PPP2R2B: variants seen among roughly 807,000 people sequenced by gnomAD.
The protein encoded by PPP2R2B is serine/threonine-protein phosphatase 2A 55 kDa regulatory subunit B beta isoform.
Under a neutral mutation model 46.0 loss-of-function variants are expected in PPP2R2B, and 5 were observed. The observed-to-expected ratio is 0.11, with a 90% confidence interval of 0.06 to 0.23. The LOEUF is 0.23. PPP2R2B is among the 10% of genes least tolerant of loss of function. PPP2R2B has a pLI of 1.00. For synonymous variants in PPP2R2B, 215 were observed against 206.7 expected, an observed-to-expected ratio of 1.04 and a Z score of -0.34; for missense variants, 367 against 575.0, an observed-to-expected ratio of 0.64 and a Z score of 3.70.
intron 5 of PPP2R2B, among the ~76,000 whole-genome samples, chr5:146,653,702 G>C (rs1257499159): frequency 6.6e-6 from 1 of 152,168 alleles, no homozygotes; most frequent in Non-Finnish European, 1.5e-5. Context: ...CAGAGTGGGA[G>C]CTGCCAGCCC....
At chr5:147,056,977 A>T (rs1757106945), upstream of PPP2R2B, among the ~76,000 whole-genome samples, 3 of 152,200 alleles carry the variant, frequency 2.0e-5, no homozygotes, top group South Asian at 6.2e-4. Context: ...GAAAACCAAC[A>T]TTTCCCTGAG....
intron 2 of PPP2R2B, among the ~76,000 whole-genome samples, chr5:146,743,752 C>G (rs558618108): frequency 6.6e-6 from 1 of 152,286 alleles, no homozygotes; most frequent in African/African-American, 2.4e-5. Context: ...AAAACAGGCA[C>G]TAAACTCTAA....
At chr5:147,011,671 T>A (rs1754740107) in intron 1 of PPP2R2B, among the ~76,000 whole-genome samples, 1 of 150,616 alleles carries the variant, frequency 6.6e-6, no homozygotes, top group Non-Finnish European at 1.5e-5. Context: ...TCAAAGGGAA[T>A]GCTTCCAGTT....
chr5:146,923,356 T>C (rs1198270667), intron 1 of PPP2R2B, among the ~76,000 whole-genome samples: 2 of 152,204 alleles, frequency 1.3e-5, no homozygotes, highest in Non-Finnish European at 2.9e-5. Context: ...TAGAACTGGA[T>C]TGCATGATGT....
At chr5:146,856,011 C>T (rs951015856) in intron 2 of PPP2R2B, among the ~76,000 whole-genome samples, 5 of 152,108 alleles carry the variant, frequency 3.3e-5, no homozygotes, top group Admixed American at 3.3e-4. Flanking sequence ...TCAGTGATAC[C>T]TTTTATTCTT....
At chr5:146,601,263 G>T (rs568508361) in intron 7 of PPP2R2B, among the ~76,000 whole-genome samples, 144 of 152,220 alleles carry the variant, frequency 9.5e-4, no homozygotes, top group African/African-American at 3.4e-3. Context: ...GTTTTTGTCT[G>T]GTCATATGTT....
At chr5:146,809,989 TG>T (rs989947806) in intron 2 of PPP2R2B, among the ~76,000 whole-genome samples, 9 of 152,160 alleles carry the variant, frequency 5.9e-5, no homozygotes, top group African/African-American at 2.2e-4. Flanking sequence ...ATCTGTTGTG[TG>T]GGGGTAGAGT....
chr5:146,768,291 C>G (rs1582058857), intron 2 of PPP2R2B, among the ~76,000 whole-genome samples: 1 of 152,218 alleles, frequency 6.6e-6, no homozygotes, highest in South Asian at 2.1e-4. Flanking sequence ...CCAGGCTGGT[C>G]TTGAACTCCT....
intron 1 of PPP2R2B, among the ~76,000 whole-genome samples, chr5:146,904,666 T>TC (rs1762942303): frequency 6.6e-6 from 1 of 152,162 alleles, no homozygotes; most frequent in South Asian, 2.1e-4. Context: ...TCCTGTAGCC[T>TC]CAGTATAGAA....
chr5:147,055,627 T>A (rs762945165), intron 1 of PPP2R2B: 2 of 1,563,740 alleles, frequency 1.3e-6, no homozygotes, highest in Non-Finnish European at 1.8e-6. Flanking sequence ...AGCCCACTTT[T>A]CCCACCCACC....
At chr5:146,656,554 CG>C (rs1561808729) in intron 5 of PPP2R2B, 1 of 152,070 alleles carries the variant, frequency 6.6e-6, no homozygotes, top group African/African-American at 2.4e-5. Flanking sequence ...CCCTCACTCC[CG>C]GGAGGCCACC....
rs1368760298 is a variant in PPP2R2B at position 146,770,355 on chromosome 5, A to AAT, written c.71-69214_71-69213insAT. Among the ~76,000 whole-genome samples, 622 of 132,572 alleles carry AAT rather than the reference A, an allele frequency of 4.7e-3. 18 individuals carry two copies. Among genetic ancestry groups the AAT allele is most frequent in the African/African-American group, 0.016 (586 of 37,084 alleles). The allele number at this position is 132,572 out of a possible 152,430, so 87.0% of individuals were successfully genotyped here. ...CAAAAAAAAAAAAAAAAAAAAAAAAAGAATGAAGAATTCAAAAATTATCCT... is the reference window on the plus strand; with the variant it reads ...CAAAAAAAAAAAAAAAAAAAAAAAAAATGAATGAAGAATTCAAAAATTATCCT... On this transcript the variant is annotated intron_variant, in intron 2 of 9. Transcript: ENST00000394411.
Position 146,586,016 on chromosome 5 carries a change from C to T in PPP2R2B, c.*3931G>A, listed in dbSNP as rs1581644542. The T allele has an allele frequency of 6.6e-6, 1 of 152,186 alleles. No homozygotes were observed. The highest frequency in any genetic ancestry group is 1.9e-4 in the East Asian group (1 of 5,188). The allele number at this position is 152,186 out of a possible 1,614,324, so 9.4% of individuals were successfully genotyped here. ...TTGGAAAGCAGTCCCTGAGAGTTGA[C>T]TTAGAAGTTCAGGGGGAAGAGGTGG... On this transcript the variant is annotated 3_prime_UTR_variant, in exon 10 of 10. Transcript: ENST00000394411.
intron 1 of PPP2R2B, among the ~76,000 whole-genome samples, chr5:146,955,998 C>T (rs577984735): frequency 3.3e-5 from 5 of 151,790 alleles, no homozygotes; most frequent in Admixed American, 2.0e-4. Context: ...AGGCTGGTCT[C>T]GAACTCCTGA....
chr5:146,948,023 T>C (rs1241662386), intron 1 of PPP2R2B, among the ~76,000 whole-genome samples: 1 of 151,810 alleles, frequency 6.6e-6, no homozygotes, highest in Non-Finnish European at 1.5e-5. Context: ...CCAAGTTCTC[T>C]TCATTCATAT....
intron 1 of PPP2R2B, among the ~76,000 whole-genome samples, chr5:146,984,652 G>A (rs112742591): frequency 0.01 from 1,542 of 152,184 alleles, 11 homozygotes; most frequent in Non-Finnish European, 0.017. Flanking sequence ...TTTAGAGGAA[G>A]CTTCATACTG....
At chr5:146,865,430 A>G (rs1761255577) in intron 2 of PPP2R2B, among the ~76,000 whole-genome samples, 1 of 152,154 alleles carries the variant, frequency 6.6e-6, no homozygotes. Flanking sequence ...TTTTCTGTAC[A>G]GTCAAAATTT....
intron 2 of PPP2R2B, among the ~76,000 whole-genome samples, chr5:146,705,618 G>C (rs1356308452): frequency 6.6e-6 from 1 of 152,048 alleles, no homozygotes; most frequent in Non-Finnish European, 1.5e-5. Context: ...CTCCTTCTTG[G>C]GTCCTGGATC....
At chr5:146,800,466 T>C (rs1233225724) in intron 2 of PPP2R2B, among the ~76,000 whole-genome samples, 1 of 152,138 alleles carries the variant, frequency 6.6e-6, no homozygotes, top group Non-Finnish European at 1.5e-5. Flanking sequence ...AAATTAATTT[T>C]CTCTGCTTCC....
Sources: gnomAD v4.1 joint callset for allele counts (sites outside exome capture counted in the v4.1 genomes callset) on GRCh38, gnomAD v4.1.1 for gene constraint, MANE v1.5 for transcripts, NCBI Gene and HGNC (gene_info 2026-07-23, HGNC 2026-07-21) for gene names.